SUFU: variants seen among roughly 807,000 people sequenced by gnomAD.
The protein encoded by SUFU is SUFU negative regulator of hedgehog signaling.
SUFU carries 7 observed loss-of-function variants against 58.9 expected under a neutral mutation model. That is an observed-to-expected ratio of 0.12 (90% CI 0.07 to 0.22). The LOEUF (loss-of-function observed/expected upper bound fraction) is 0.22. SUFU is among the 10% of genes least tolerant of loss of function. SUFU has a pLI of 1.00. For missense variants in SUFU, 451 were observed against 641.3 expected (o/e 0.70, Z 3.20); for synonymous variants, 232 against 254.8 (o/e 0.91, Z 0.85).
intron 1 of SUFU, among the ~76,000 whole-genome samples, chr10:102,506,079 G>A (rs188138054): frequency 6.6e-6 from 1 of 150,488 alleles, no homozygotes; most frequent in Admixed American, 6.6e-5. Flanking sequence ...AGTGGGCCTG[G>A]CTCTGCCACG....
chr10:102,586,384 G>A (rs1470948181), intron 3 of SUFU, among the ~76,000 whole-genome samples: 1 of 151,978 alleles, frequency 6.6e-6, no homozygotes, highest in Non-Finnish European at 1.5e-5. Context: ...CTTTTAAAAT[G>A]TGATTAAGCC....
rs185804274 is a variant in SUFU, at chr10:102,539,293, G to A, written c.318-10677G>A. Among the ~76,000 whole-genome samples the A allele has an allele frequency of 2.6e-5, 4 of 152,296 alleles. No homozygotes were observed. In the East Asian group the frequency reaches 5.8e-4, roughly 22 times the overall value. ...AATGTCCTTCAATTTGGATTTATCTGATGTTTCCTCATGCGTAGGATCAGT... is the reference window on the plus strand; with the variant it reads ...AATGTCCTTCAATTTGGATTTATCTAATGTTTCCTCATGCGTAGGATCAGT... On this transcript the variant is annotated intron_variant, in intron 2 of 11. Transcript: ENST00000369902.
At chr10:102,522,666 CTAG>C (rs1321774272) in intron 2 of SUFU, among the ~76,000 whole-genome samples, 2 of 152,206 alleles carry the variant, frequency 1.3e-5, no homozygotes, top group South Asian at 2.1e-4. Context: ...AGGACTAGAT[CTAG>C]AGATCTAGAG....
intron 1 of SUFU, among the ~76,000 whole-genome samples, chr10:102,506,432 G>A (rs2062328166): frequency 6.6e-6 from 1 of 152,048 alleles, no homozygotes; most frequent in South Asian, 2.1e-4. Context: ...AGGCTGGAGT[G>A]CAGTGGCACG....
intron 9 of SUFU, among the ~76,000 whole-genome samples, chr10:102,616,349 G>A (rs1236585454): frequency 6.6e-6 from 1 of 152,228 alleles, no homozygotes; most frequent in Non-Finnish European, 1.5e-5. Flanking sequence ...ACAGTGACAG[G>A]GAAGAAGAAC....
intron 3 of SUFU, among the ~76,000 whole-genome samples, chr10:102,583,935 A>T (rs2063310792): frequency 1.3e-5 from 2 of 152,114 alleles, no homozygotes; most frequent in Non-Finnish European, 2.9e-5. Flanking sequence ...TCAGATAGGG[A>T]TGCAGAGCTC....
chr10:102,618,097 C>T (rs2063705594), intron 10 of SUFU: 2 of 154,734 alleles, frequency 1.3e-5, no homozygotes, highest in African/African-American at 2.4e-5. Flanking sequence ...TCCCGGGTCT[C>T]TAACAGGTGC....
chr10:102,520,699 G>A (rs932893623), intron 2 of SUFU, among the ~76,000 whole-genome samples: 1 of 152,062 alleles, frequency 6.6e-6, no homozygotes, highest in African/African-American at 2.4e-5. Context: ...TTTCCAAAAG[G>A]TCATAGAGTT....
At chr10:102,567,654 G>A (rs1415008744) in intron 3 of SUFU, among the ~76,000 whole-genome samples, 1 of 152,186 alleles carries the variant, frequency 6.6e-6, no homozygotes, top group Non-Finnish European at 1.5e-5. Flanking sequence ...AAGAGAAAAG[G>A]GAGGGAATTC....
At chr10:102,548,481 A>T (rs924089381) in intron 2 of SUFU, among the ~76,000 whole-genome samples, 1 of 152,134 alleles carries the variant, frequency 6.6e-6, no homozygotes, top group Non-Finnish European at 1.5e-5. Context: ...GCCCTTGAGA[A>T]TTCTCACCTC....
rs1328361723 is a variant in SUFU, at chr10:102,568,895, A to ATAT, written c.454+18789_454+18790insTAT. Among the ~76,000 whole-genome samples, 19 of 23,850 alleles carry ATAT rather than the reference A, an allele frequency of 8.0e-4. 1 individual carries two copies. The highest frequency in any genetic ancestry group is 9.7e-4 in the African/African-American group (4 of 4,136). 15.6% of individuals were successfully genotyped at this position (23,850 alleles called of 152,430 possible). Reference sequence around the variant, plus strand: ...GTCTCAAAAAAAAAAAAAAAAAAAAAAAATATATATATATATATATATATA... The same window carrying ATAT: ...GTCTCAAAAAAAAAAAAAAAAAAAAATATAAATATATATATATATATATATATA... On this transcript the variant is annotated intron_variant, in intron 3 of 11. Coordinates refer to ENST00000369902, the MANE Select transcript of SUFU (RefSeq NM_016169.4).
intron 3 of SUFU, among the ~76,000 whole-genome samples, chr10:102,581,644 A>G (rs2063281598): frequency 6.6e-6 from 1 of 152,168 alleles, no homozygotes; most frequent in Non-Finnish European, 1.5e-5. Flanking sequence ...CAGTCTCCCC[A>G]CAGGTGTCGG....
chr10:102,512,241 G>A (rs530247205), intron 2 of SUFU, among the ~76,000 whole-genome samples: 3 of 152,320 alleles, frequency 2.0e-5, no homozygotes, highest in African/African-American at 7.2e-5. Flanking sequence ...TGGGGACCCA[G>A]CATTACAGTA....
At chr10:102,601,469 G>A (rs1293890906) in intron 8 of SUFU, among the ~76,000 whole-genome samples, 2 of 152,192 alleles carry the variant, frequency 1.3e-5, no homozygotes, top group Non-Finnish European at 2.9e-5. Context: ...GATTCGAGGT[G>A]CCGGGGTTGT....
At chr10:102,613,146 G>A (rs941838137) in intron 8 of SUFU, among the ~76,000 whole-genome samples, 7 of 152,190 alleles carry the variant, frequency 4.6e-5, no homozygotes, top group Admixed American at 2.6e-4. Context: ...GAGGGGGGAC[G>A]CGTCACCCAC....
intron 3 of SUFU, among the ~76,000 whole-genome samples, chr10:102,552,687 G>T (rs1020523239): frequency 6.6e-5 from 10 of 152,202 alleles, no homozygotes; most frequent in Admixed American, 6.5e-4. Flanking sequence ...GGTTATACAG[G>T]ATAATGTCCC....
intron 2 of SUFU, among the ~76,000 whole-genome samples, chr10:102,513,148 CTTT>C (rs1373565276): frequency 6.6e-6 from 1 of 152,112 alleles, no homozygotes; most frequent in Non-Finnish European, 1.5e-5. Flanking sequence ...TGACTGGTTT[CTTT>C]TTGATCCTGT....
At chr10:102,538,353 T>C (rs2062764889) in intron 2 of SUFU, among the ~76,000 whole-genome samples, 1 of 151,968 alleles carries the variant, frequency 6.6e-6, no homozygotes, top group South Asian at 2.1e-4. Flanking sequence ...AAGAGGCTTT[T>C]TTTTTTCCAA....
chr10:102,568,701 C>T (rs1185832746), intron 3 of SUFU, among the ~76,000 whole-genome samples: 1 of 151,052 alleles, frequency 6.6e-6, no homozygotes, highest in East Asian at 1.9e-4. Flanking sequence ...TGATGAAACC[C>T]TGTCTCTGCT....
Sources: allele counts gnomAD v4.1 joint callset (sites outside exome capture counted in the v4.1 genomes callset), GRCh38; gene constraint gnomAD v4.1.1; transcripts MANE v1.5; gene names NCBI Gene and HGNC (gene_info 2026-07-23, HGNC 2026-07-21).